The following CTNNA3 variants were observed in gnomAD, a reference collection of about 807,000 sequenced individuals.
The protein encoded by CTNNA3 is catenin alpha 3, also known as catenin alpha-3.
Under a neutral mutation model 95.7 loss-of-function variants are expected in CTNNA3, and 76 were observed. The ratio of observed to expected loss-of-function variants is 0.79; its 90% CI spans 0.66 to 0.96. The LOEUF (loss-of-function observed/expected upper bound fraction) is 0.96, where lower values mean the gene tolerates loss of function less well. Ranked by LOEUF, CTNNA3 falls within the 40% of genes least tolerant of loss-of-function variation. CTNNA3 has a pLI of 0.00. For missense variants in CTNNA3, 1,191 were observed against 1,089.8 expected, an observed-to-expected ratio of 1.09 and a Z score of -1.31; for synonymous variants, 431 against 374.4, an observed-to-expected ratio of 1.15 and a Z score of -1.74.
chr10:67,569,607 C>T (rs967503355), intron 3 of CTNNA3, among the ~76,000 whole-genome samples: 4 of 152,068 alleles, frequency 2.6e-5, no homozygotes, highest in African/African-American at 9.7e-5. Flanking sequence ...GGCACCACAG[C>T]GTAGCCATTT....
chr10:67,085,938 A>C (rs1857285820), intron 7 of CTNNA3, among the ~76,000 whole-genome samples: 1 of 151,952 alleles, frequency 6.6e-6, no homozygotes, highest in South Asian at 2.1e-4. Flanking sequence ...AAAGCCTCAT[A>C]GCAACAGCAG....
In CTNNA3 at chr10:66,069,483, T is replaced by C; in HGVS notation, c.1984A>G (p.Met662Val). ...TTTTCTGCCTCAGGCAGTTGAGTCA[T>C]CTTAGCCTAAAACATGTGATAATTA... ...QTEGKTDRAKMTQLPEAEKEK... is the reference protein window; with the variant it reads ...QTEGKTDRAKVTQLPEAEKEK... The change falls in exon 15 of 18, where the codon ATG becomes GTG. Residue 662 changes from methionine (M) to valine (V), a missense_variant. Transcript: ENST00000433211. 1 of 1,609,068 alleles carries C rather than the reference T, an allele frequency of 6.2e-7. No homozygotes were observed. The highest frequency in any genetic ancestry group is 8.5e-7 in the Non-Finnish European group (1 of 1,178,166).
intron 5 of CTNNA3, among the ~76,000 whole-genome samples, chr10:67,498,488 GATGGGGATGGC>G (rs2133095878): frequency 6.6e-6 from 1 of 152,118 alleles, no homozygotes; most frequent in African/African-American, 2.4e-5. Context: ...GTGGTAGCTT[GATGGGGATGGC>G]ATTGAATCTA....
chr10:67,585,228 G>A (rs990138077), intron 3 of CTNNA3, among the ~76,000 whole-genome samples: 8 of 152,176 alleles, frequency 5.3e-5, no homozygotes, highest in Non-Finnish European at 2.9e-5. Flanking sequence ...TTGATGTGCT[G>A]TTGGGTTCAG....
chr10:66,778,841 T>G (rs971500893), intron 7 of CTNNA3, among the ~76,000 whole-genome samples: 6 of 152,064 alleles, frequency 3.9e-5, no homozygotes, highest in Non-Finnish European at 8.8e-5. Context: ...CTGGGCATGG[T>G]GGCGCATATC....
At chr10:67,743,451 A>G (rs1176195793) in intron 1 of CTNNA3, among the ~76,000 whole-genome samples, 4 of 151,208 alleles carry the variant, frequency 2.6e-5, no homozygotes, top group South Asian at 4.3e-4. Flanking sequence ...AAATTCAACA[A>G]CGCTTCATGC....
intron 5 of CTNNA3, among the ~76,000 whole-genome samples, chr10:67,327,315 A>G (rs1233974875): frequency 6.6e-6 from 1 of 152,206 alleles, no homozygotes; most frequent in African/African-American, 2.4e-5. Flanking sequence ...TTTTTGAGTT[A>G]TCAGGGTTCT....
At chr10:67,759,978 C>T (rs1382951985) in intron 1 of CTNNA3, among the ~76,000 whole-genome samples, 1 of 152,204 alleles carries the variant, frequency 6.6e-6, no homozygotes, top group Admixed American at 6.5e-5. Context: ...AACCACATTC[C>T]TCACCCACAG....
intron 5 of CTNNA3, among the ~76,000 whole-genome samples, chr10:67,459,749 T>A (rs1847307764): frequency 1.3e-5 from 2 of 152,190 alleles, no homozygotes; most frequent in African/African-American, 4.8e-5. Flanking sequence ...CTTAAAATTA[T>A]CTTTTACCTC....
chr10:67,211,889 A>G (rs575556229), intron 6 of CTNNA3, among the ~76,000 whole-genome samples: 4 of 152,198 alleles, frequency 2.6e-5, no homozygotes, highest in Non-Finnish European at 2.9e-5. Flanking sequence ...AAAGTACACA[A>G]TAACTCCTGA....
rs541109869 is a variant in CTNNA3, at chr10:66,347,044, C to A, written c.1732+32108G>T. 3.3e-5 allele frequency among the ~76,000 whole-genome samples: 5 copies of A among 151,820 alleles called. No individual in the cohort carries two copies. In the East Asian group the frequency reaches 9.7e-4, roughly 29 times the overall value. On this transcript the variant is annotated intron_variant, in intron 12 of 17. Transcript: ENST00000433211. ...TCAGATTTACATCCTGAAAAAAATT[C>A]ATGTACTAGAGTGATCTAATATAGT...
intron 7 of CTNNA3, among the ~76,000 whole-genome samples, chr10:67,069,073 T>A (rs933423561): frequency 1.9e-4 from 28 of 151,028 alleles, no homozygotes; most frequent in African/African-American, 2.4e-5. Flanking sequence ...TATGTAAAAA[T>A]ATATATGAAA....
chr10:66,651,544 C>T (rs1247937610), intron 9 of CTNNA3, among the ~76,000 whole-genome samples: 6 of 149,418 alleles, frequency 4.0e-5, no homozygotes, highest in Non-Finnish European at 4.5e-5. Context: ...TCGGGCCTTG[C>T]GTGGGGAGGG....
At chr10:67,490,035 T>G (rs1427711872) in intron 5 of CTNNA3, among the ~76,000 whole-genome samples, 2 of 152,164 alleles carry the variant, frequency 1.3e-5, no homozygotes, top group African/African-American at 4.8e-5. Flanking sequence ...GTAATTTTAT[T>G]CTCATGTATT....
At chr10:67,522,104 T>C in intron 4 of CTNNA3, 143 bp from the exon 5 acceptor site, 1 of 784,450 alleles carries the variant, frequency 1.3e-6, no homozygotes, top group Non-Finnish European at 2.0e-6. Context: ...TAATTATCTT[T>C]CAATGAAATA....
At chr10:66,964,170 A>G (rs1849275478) in intron 7 of CTNNA3, among the ~76,000 whole-genome samples, 1 of 152,142 alleles carries the variant, frequency 6.6e-6, no homozygotes, top group South Asian at 2.1e-4. Context: ...TTCTGTCCAC[A>G]GTAACATCGT....
At chr10:65,999,149 G>A (rs2078721809) in intron 15 of CTNNA3, among the ~76,000 whole-genome samples, 1 of 152,034 alleles carries the variant, frequency 6.6e-6, no homozygotes, top group Admixed American at 6.5e-5. Flanking sequence ...ACATCAGGCA[G>A]GACTAGATGT....
intron 1 of CTNNA3, among the ~76,000 whole-genome samples, chr10:67,749,936 C>G (rs552514343): frequency 1.3e-5 from 2 of 152,250 alleles, no homozygotes; most frequent in East Asian, 3.9e-4. Flanking sequence ...CTTGGGTCCC[C>G]TTCCATGCTG....
chr10:66,433,001 G>T (rs971899859), intron 11 of CTNNA3, among the ~76,000 whole-genome samples: 1 of 152,130 alleles, frequency 6.6e-6, no homozygotes. Context: ...TGGCTGCATA[G>T]TATTCTATGG....
Sources: gnomAD v4.1 joint callset for allele counts (sites outside exome capture counted in the v4.1 genomes callset) on GRCh38, gnomAD v4.1.1 for gene constraint, MANE v1.5 for transcripts, NCBI Gene and HGNC (gene_info 2026-07-23, HGNC 2026-07-21) for gene names.